The following TRRAP variants were observed in gnomAD, a reference collection of about 807,000 sequenced individuals.
TRRAP encodes transformation/transcription domain-associated protein.
A neutral mutation model predicts 438.8 loss-of-function variants in TRRAP; 41 were observed. The ratio of observed to expected loss-of-function variants is 0.09; its 90% CI spans 0.07 to 0.12. The LOEUF (loss-of-function observed/expected upper bound fraction) is 0.12. TRRAP is among the 10% of genes least tolerant of loss of function. TRRAP has a pLI of 1.00. For missense variants in TRRAP, 3,122 were observed against 5,055.1 expected, an observed-to-expected ratio of 0.62 and a Z score of 11.60; for synonymous variants, 1,994 against 1,962.9, an observed-to-expected ratio of 1.02 and a Z score of -0.42.
Position 99,012,031 on chromosome 7 carries a change from T to C in TRRAP, c.11338-40T>C. ...AGGAAGCTGCCCCTGTGGGCTGTTCTTGGTTAAACACAAGTCGTCTCGTTC... is the reference window on the plus strand; with the variant it reads ...AGGAAGCTGCCCCTGTGGGCTGTTCCTGGTTAAACACAAGTCGTCTCGTTC... On this transcript the variant is annotated intron_variant, in intron 72 of 72. Coordinates refer to ENST00000456197, the MANE Select transcript of TRRAP (RefSeq NM_001375524.1). This position sits in a 1 kb window ranked among gnomAD's most constrained non-coding sequence, Gnocchi z 5.9. 1 of 1,598,906 alleles carries C rather than the reference T, an allele frequency of 6.3e-7. No homozygotes were observed. Among genetic ancestry groups the C allele is most frequent in the Non-Finnish European group, 8.5e-7 (1 of 1,170,150 alleles).
chr7:99,009,143 T>A (rs753357734), intron 70 of TRRAP, among the ~76,000 whole-genome samples: 1 of 152,144 alleles, frequency 6.6e-6, no homozygotes, highest in Non-Finnish European at 1.5e-5. Flanking sequence ...AGGCCCCTCA[T>A]TCACCTGCAC....
chr7:99,006,649 A>C (rs1794175029), intron 69 of TRRAP, among the ~76,000 whole-genome samples: 1 of 152,190 alleles, frequency 6.6e-6, no homozygotes. Flanking sequence ...ATCTGTGTGC[A>C]CTTCACATGC....
intron 59 of TRRAP, 70 bp downstream of exon 59, chr7:98,982,030 A>G: frequency 7.1e-7 from 1 of 1,414,356 alleles, no homozygotes; most frequent in Non-Finnish European, 9.2e-7. Context: ...GTCCAGGCTT[A>G]GGTCTGCAGA....
At chr7:98,935,730 GGTCT>G in intron 28 of TRRAP, 55 bp downstream of exon 28, 1 of 1,408,450 alleles carries the variant, frequency 7.1e-7, no homozygotes. Flanking sequence ...GACCACAGGA[GGTCT>G]ATAGAAAAAA....
chr7:98,986,257 G>T (rs141390966), intron 62 of TRRAP, among the ~76,000 whole-genome samples: 107 of 152,334 alleles, frequency 7.0e-4, no homozygotes, highest in African/African-American at 2.1e-3. Context: ...CACTGAATAT[G>T]TGTCTTTGTG....
rs1032152009 is a variant in TRRAP, at chr7:99,011,026, G to A, written c.10939-26G>A. ...CAAAAAAAATCAGTGAGTGAGATGG[G>A]AGTGTCACGGAGCGCTGTGTTTCAG... On this transcript the variant is annotated intron_variant, in intron 70 of 72. Coordinates refer to ENST00000456197, the MANE Select transcript of TRRAP (RefSeq NM_001375524.1). The surrounding 1 kb of genome is among the most constrained non-coding windows in gnomAD (Gnocchi z 7.1). 21 of 1,596,822 alleles carry A rather than the reference G, an allele frequency of 1.3e-5. No individual in the cohort carries two copies. Among genetic ancestry groups the A allele is most frequent in the Non-Finnish European group, 1.7e-5 (20 of 1,166,730 alleles).
At chr7:98,944,732 A>T (rs1297267058) in intron 31 of TRRAP, among the ~76,000 whole-genome samples, 1 of 152,222 alleles carries the variant, frequency 6.6e-6, no homozygotes, top group Non-Finnish European at 1.5e-5. Context: ...TCCCCAAATG[A>T]CAGTGTTCCG....
Position 98,908,716 on chromosome 7 carries a change from C to G in TRRAP, c.1116-12C>G. The G allele has an allele frequency of 6.5e-7, 1 of 1,543,662 alleles. No homozygotes were observed. The highest frequency in any genetic ancestry group is 8.7e-7 in the Non-Finnish European group (1 of 1,146,690). ...CGTGGGAATGAGCACTAGTCGAGGT[C>G]TCTGCCCGCAGGCCCCTCGCCTACA... is the stretch of plus-strand genomic sequence containing the variant. On this transcript the variant is annotated splice_polypyrimidine_tract_variant and intron_variant, in intron 13 of 72. Coordinates refer to ENST00000456197, the MANE Select transcript of TRRAP (RefSeq NM_001375524.1). This position sits in a 1 kb window ranked among gnomAD's most constrained non-coding sequence, Gnocchi z 4.1.
intron 1 of TRRAP, among the ~76,000 whole-genome samples, chr7:98,879,781 G>A (rs1795333603): frequency 6.6e-6 from 1 of 152,206 alleles, no homozygotes; most frequent in Admixed American, 6.5e-5. Flanking sequence ...TCTCTGCATG[G>A]AAGAAGGGTT....
At position 98,992,542 on chromosome 7, in the gene TRRAP, A is replaced by C. The variant is rs1244479310; in HGVS notation, c.9847+315A>C. 6.1e-4 allele frequency among the ~76,000 whole-genome samples: 92 copies of C among 151,170 alleles called. 1 individual carries two copies. The highest frequency in any genetic ancestry group is 5.9e-5 in the Non-Finnish European group (4 of 67,950). On this transcript the variant is annotated intron_variant, in intron 65 of 72. Transcript: ENST00000456197. The stretch of plus-strand genomic sequence containing the variant: ...CTTAGTAGTAAGTGCATCCCAATAC[A>C]CAGCAGATGCCAGCTGCCGTGTGTG...
rs375186509 is a variant in TRRAP at position 99,011,556 on chromosome 7, A to G, written c.11337+21A>G. On this transcript the variant is annotated intron_variant, in intron 72 of 72. Transcript: ENST00000456197. The surrounding 1 kb of genome is among the most constrained non-coding windows in gnomAD (Gnocchi z 7.1). ...TTAAGGTGGGTCTCCACGTCGTCCT[A>G]TCACAGGCGCAGGCTAGAGCCACTC... 1.5e-5 allele frequency: 24 copies of G among 1,607,824 alleles called. No individual in the cohort carries two copies. The highest frequency in any genetic ancestry group is 4.5e-5 in the East Asian group (2 of 44,860).
At chr7:98,959,613 C>A in intron 45 of TRRAP, 123 bp downstream of exon 45, 1 of 1,415,244 alleles carries the variant, frequency 7.1e-7, no homozygotes, top group Non-Finnish European at 9.5e-7. Flanking sequence ...CCCAAATCTC[C>A]TGTCCCCTTT....
chr7:99,009,429 C>T (rs1794334855), intron 70 of TRRAP, among the ~76,000 whole-genome samples: 1 of 152,158 alleles, frequency 6.6e-6, no homozygotes, highest in Non-Finnish European at 1.5e-5. Context: ...CAGGGCACGG[C>T]AGGGCCCGAG....
At position 98,983,144 on chromosome 7, in the gene TRRAP, C is replaced by A. The variant is rs147756597; in HGVS notation, c.8827-120C>A. ...TCTGTGGTGTAAATGAGAGTGCTTC[C>A]TTTGGTAATTGCATCATAAGATCTT... is the stretch of plus-strand genomic sequence containing the variant. On this transcript the variant is annotated intron_variant, in intron 59 of 72. Transcript: ENST00000456197. 1.6e-4 allele frequency: 153 copies of A among 949,886 alleles called. 2 individuals are homozygous for A. The East Asian group carries it at 3.9e-3, about 24-fold the overall frequency. 58.8% of individuals were successfully genotyped at this position (949,886 alleles called of 1,614,324 possible).
intron 67 of TRRAP, among the ~76,000 whole-genome samples, chr7:98,997,960 A>G (rs1793746650): frequency 6.6e-6 from 1 of 152,238 alleles, no homozygotes; most frequent in Admixed American, 6.5e-5. Flanking sequence ...TATTCTGAAA[A>G]GCAGTAGATC....
chr7:98,920,058 A>G (rs1009999391), intron 20 of TRRAP, among the ~76,000 whole-genome samples: 1 of 152,242 alleles, frequency 6.6e-6, no homozygotes, highest in Non-Finnish European at 1.5e-5. Flanking sequence ...GTTTGAATCT[A>G]CGGGAACGTA....
intron 48 of TRRAP, among the ~76,000 whole-genome samples, chr7:98,965,214 C>T (rs1042692929): frequency 6.6e-6 from 1 of 152,256 alleles, no homozygotes; most frequent in Non-Finnish European, 1.5e-5. Context: ...AATAGTTGGA[C>T]TTTTAGATGC....
At chr7:98,988,249 C>T (rs920129027) in intron 62 of TRRAP, among the ~76,000 whole-genome samples, 2 of 152,298 alleles carry the variant, frequency 1.3e-5, no homozygotes, top group East Asian at 3.9e-4. Context: ...ATAGAGTTCC[C>T]ACGTGACCAG....
At chr7:98,905,677 G>A (rs1554407417) in intron 12 of TRRAP, among the ~76,000 whole-genome samples, 1 of 152,216 alleles carries the variant, frequency 6.6e-6, no homozygotes, top group African/African-American at 2.4e-5. Context: ...TCCAGGGAAT[G>A]CAGAACCGTA....
Sources: gnomAD v4.1 joint callset for allele counts (sites outside exome capture counted in the v4.1 genomes callset) on GRCh38, gnomAD v4.1.1 for gene constraint, Gnocchi (gnomAD v3.1) non-coding constraint, MANE v1.5 for transcripts, NCBI Gene and HGNC (gene_info 2026-07-23, HGNC 2026-07-21) for gene names.